The following PTPRG variants were observed in gnomAD, a reference collection of about 807,000 sequenced individuals.
PTPRG encodes receptor-type tyrosine-protein phosphatase gamma.
Under a neutral mutation model 165.3 loss-of-function variants are expected in PTPRG, and 102 were observed. The observed-to-expected ratio is 0.62, with a 90% confidence interval of 0.53 to 0.73. The LOEUF is 0.73. PTPRG is among the 30% of genes least tolerant of loss of function. The probability of loss-of-function intolerance (pLI) is 0.00; values close to 1 mark genes in which losing one functional copy is unlikely to be tolerated. For synonymous variants in PTPRG, 675 were observed against 669.5 expected (o/e 1.01, Z -0.13); for missense variants, 1,866 against 1,861.4 (o/e 1.00, Z -0.05).
At chr3:61,669,376 CAA>C (rs1473972557) in intron 1 of PTPRG, among the ~76,000 whole-genome samples, 1 of 141,798 alleles carries the variant, frequency 7.1e-6, no homozygotes, top group Non-Finnish European at 1.6e-5. Flanking sequence ...GTACCGGTAT[CAA>C]GAGGCTCAGA....
intron 2 of PTPRG, among the ~76,000 whole-genome samples, chr3:61,847,205 C>T (rs181552462): frequency 6.6e-5 from 10 of 152,118 alleles, no homozygotes; most frequent in Admixed American, 5.2e-4. Context: ...TAACAGGTGT[C>T]CTTATGTAAA....
chr3:61,720,630 A>G lies in PTPRG; in HGVS notation c.86-28248A>G, dbSNP rs115897472. ...TACTACCGTCCTGACTTCTGATATC[A>G]TAGATGAGGTTTGGATGGCAAGAAC... On this transcript the variant is annotated intron_variant, in intron 1 of 29. Coordinates refer to ENST00000474889, the MANE Select transcript of PTPRG (RefSeq NM_002841.4). Among the ~76,000 whole-genome samples the G allele has an allele frequency of 5.1e-3, 775 of 152,294 alleles. 4 individuals are homozygous for G. The highest frequency in any genetic ancestry group is 8.7e-3 in the Non-Finnish European group (591 of 68,022).
Position 62,203,179 on chromosome 3 carries a change from G to A in PTPRG, c.1384G>A (p.Ala462Thr). ...TRIVKTGVPT[A>T]SPASSADMAP... is the part of the protein sequence containing the mutation. ...GCCGGGTGACCCTTTCCAGCCCACA[G>A]CGTCTCCTGCCTCTTCAGCCGACAT... The change falls in exon 12 of 30, where the codon GCG becomes ACG. Residue 462 changes from alanine to threonine, a missense_variant. This residue lies in a region of PTPRG where 1,452 missense variants were observed against 1,463.0 expected (regional missense o/e 0.99). Transcript: ENST00000474889. This position sits in a 1 kb window ranked among gnomAD's most constrained non-coding sequence, Gnocchi z 6.4. 2 of 1,584,464 alleles carry A rather than the reference G, an allele frequency of 1.3e-6. No homozygotes were observed. The highest frequency in any genetic ancestry group is 1.7e-6 in the Non-Finnish European group (2 of 1,161,708).
chr3:62,189,075 T>C (rs1463325753), intron 8 of PTPRG, among the ~76,000 whole-genome samples: 1 of 152,112 alleles, frequency 6.6e-6, no homozygotes, highest in Non-Finnish European at 1.5e-5. Context: ...CGTGGAAGCC[T>C]CCCTTCAGAT....
At chr3:62,049,735 G>T (rs1291836424) in intron 4 of PTPRG, among the ~76,000 whole-genome samples, 2 of 152,198 alleles carry the variant, frequency 1.3e-5, no homozygotes, top group East Asian at 3.8e-4. Context: ...ACCCTGCGTG[G>T]TAGGTCAACG....
rs755977831 is a variant in PTPRG, at chr3:62,157,100, G to A, written c.716G>A (p.Arg239Gln). The stretch of plus-strand genomic sequence containing the variant: ...ACCTTTCTGGATCCTTTCGTCCTCC[G>A]GGACCTCCTGCCTGCATCCCTGGGC... ...KETFLDPFVL[R>Q]DLLPASLGSY... The change falls in exon 7 of 30, where the codon CGG (arginine) becomes CAG (glutamine). Residue 239 changes from arginine (R) to glutamine (Q), a missense_variant. By Grantham distance (43) the Arg-to-Gln change is conservative. Coordinates refer to ENST00000474889, the MANE Select transcript of PTPRG (RefSeq NM_002841.4). 2.5e-5 allele frequency: 40 copies of A among 1,610,174 alleles called. No individual in the cohort carries two copies. The highest frequency in any genetic ancestry group is 2.2e-4 in the East Asian group (10 of 44,836).
chr3:61,818,906 A>AAT (rs1484224639), intron 2 of PTPRG, among the ~76,000 whole-genome samples: 1 of 142,514 alleles, frequency 7.0e-6, no homozygotes, highest in Non-Finnish European at 1.5e-5. Context: ...GAAATAGTGA[A>AAT]ATAGTGGCCC....
At chr3:61,684,447 C>T (rs1172071894) in intron 1 of PTPRG, among the ~76,000 whole-genome samples, 1 of 152,182 alleles carries the variant, frequency 6.6e-6, no homozygotes, top group Non-Finnish European at 1.5e-5. Flanking sequence ...ATAGTCATTT[C>T]TGTGTGGGTT....
At chr3:62,194,072 T>C (rs1178219932) in intron 9 of PTPRG, among the ~76,000 whole-genome samples, 1 of 152,224 alleles carries the variant, frequency 6.6e-6, no homozygotes, top group Non-Finnish European at 1.5e-5. Flanking sequence ...TGGAAATGGC[T>C]ACATAGTAAA....
At chr3:61,636,416 C>T (rs777940137) in intron 1 of PTPRG, among the ~76,000 whole-genome samples, 1 of 152,162 alleles carries the variant, frequency 6.6e-6, no homozygotes. Flanking sequence ...AATAGGTGGC[C>T]TTTTGTGTCT....
At chr3:61,627,100 CA>C (rs112974532) in intron 1 of PTPRG, among the ~76,000 whole-genome samples, 4,232 of 38,902 alleles carry the variant, frequency 0.11, 205 homozygotes, top group African/African-American at 0.31. Flanking sequence ...ATGTTAAAAG[CA>C]AATTTTTTTT....
At chr3:62,166,912 G>C (rs1254774338) in intron 7 of PTPRG, among the ~76,000 whole-genome samples, 14 of 151,846 alleles carry the variant, frequency 9.2e-5, no homozygotes, top group Non-Finnish European at 2.1e-4. Context: ...TCCAACTCCT[G>C]GGTTCAAGCG....
chr3:62,276,081 C>A, intron 24 of PTPRG, 115 bp downstream of exon 24: 1 of 663,930 alleles, frequency 1.5e-6, no homozygotes, highest in Non-Finnish European at 2.4e-6. Context: ...CTGTACGTGG[C>A]CGTATGGTAG....
At chr3:61,581,167 T>C (rs1051110893) in intron 1 of PTPRG, among the ~76,000 whole-genome samples, 1 of 152,218 alleles carries the variant, frequency 6.6e-6, no homozygotes, top group African/African-American at 2.4e-5. Flanking sequence ...GAATAATGAA[T>C]CCCATCTCAC....
intron 4 of PTPRG, among the ~76,000 whole-genome samples, chr3:62,010,838 G>A (rs2041404822): frequency 6.6e-6 from 1 of 152,084 alleles, no homozygotes; most frequent in Non-Finnish European, 1.5e-5. Context: ...CCCGTGTTGT[G>A]TACTTTATGT....
intron 1 of PTPRG, chr3:61,659,205 T>G (rs987725803): frequency 1.5e-5 from 10 of 656,414 alleles, no homozygotes; most frequent in African/African-American, 1.9e-5. Context: ...ATGGTTTTAT[T>G]CTTGTAGCTC....
chr3:61,875,047 C>G (rs543110582), intron 2 of PTPRG, among the ~76,000 whole-genome samples: 6 of 152,212 alleles, frequency 3.9e-5, no homozygotes, highest in South Asian at 2.1e-4. Context: ...TCTCACTCTT[C>G]TCTTTCCTCT....
chr3:62,054,494 G>A (rs180898296), intron 4 of PTPRG, among the ~76,000 whole-genome samples: 2 of 152,264 alleles, frequency 1.3e-5, no homozygotes, highest in South Asian at 2.1e-4. Flanking sequence ...GGATAGAAAC[G>A]TGGGCCAGGT....
intron 3 of PTPRG, among the ~76,000 whole-genome samples, chr3:61,999,938 G>GA (rs2041130497): frequency 6.6e-6 from 1 of 152,034 alleles, no homozygotes; most frequent in Non-Finnish European, 1.5e-5. Context: ...AAATAATTCA[G>GA]AAAAGGCAGT....
Sources: allele counts gnomAD v4.1 joint callset (sites outside exome capture counted in the v4.1 genomes callset), GRCh38; gene constraint gnomAD v4.1.1; regional missense constraint gnomAD v4.1.1; non-coding constraint Gnocchi (gnomAD v3.1); transcripts MANE v1.5; gene names NCBI Gene and HGNC (gene_info 2026-07-23, HGNC 2026-07-21).